TENM3: variants seen among roughly 807,000 people sequenced by gnomAD.
TENM3 encodes the protein teneurin-3.
In TENM3, 63 loss-of-function variants were observed where a neutral mutation model predicts 255.1. The observed-to-expected ratio is 0.25, with a 90% CI of 0.20 to 0.30. TENM3 has a LOEUF of 0.30. Among genes scored for constraint, TENM3 ranks in the 10% least tolerant of loss-of-function variants. The pLI is 1.00. For missense variants in TENM3, 2,929 were observed against 3,461.1 expected, an observed-to-expected ratio of 0.85 and a Z score of 3.86; for synonymous variants, 1,306 against 1,322.3, an observed-to-expected ratio of 0.99 and a Z score of 0.27.
At chr4:182,517,530 C>T (rs1222872363) in intron 3 of TENM3, among the ~76,000 whole-genome samples, 2 of 146,650 alleles carry the variant, frequency 1.4e-5, no homozygotes, top group Non-Finnish European at 3.0e-5. Flanking sequence ...ACTACAGGCG[C>T]CCGCTACCAC....
At chr4:181,773,015 C>T in the TENM3 span, among the ~76,000 whole-genome samples, 3 of 152,092 alleles carry the variant, frequency 2.0e-5, no homozygotes, top group Non-Finnish European at 4.4e-5. Flanking sequence ...ATATAAACAC[C>T]TCCACTTTAC....
chr4:181,944,532 G>A, the TENM3 span, among the ~76,000 whole-genome samples: 1 of 152,110 alleles, frequency 6.6e-6, no homozygotes, highest in Admixed American at 6.5e-5. Context: ...CCAGAGATCT[G>A]GGTATGCCTT....
chr4:181,801,684 A>C, the TENM3 span, among the ~76,000 whole-genome samples: 1 of 101,416 alleles, frequency 9.9e-6, no homozygotes, highest in Non-Finnish European at 2.1e-5. Flanking sequence ...ATATATATAT[A>C]TATATATATA....
At chr4:182,399,994 T>C (rs1769117141) in intron 3 of TENM3, among the ~76,000 whole-genome samples, 1 of 152,230 alleles carries the variant, frequency 6.6e-6, no homozygotes, top group African/African-American at 2.4e-5. Context: ...ATTACCTGTT[T>C]TACTTGTGTG....
the TENM3 span, among the ~76,000 whole-genome samples, chr4:181,539,671 T>TA: frequency 6.6e-6 from 1 of 152,210 alleles, no homozygotes; most frequent in Non-Finnish European, 1.5e-5. Context: ...AAATAATTGA[T>TA]ATGTTGGATT....
chr4:181,745,962 G>C, the TENM3 span, among the ~76,000 whole-genome samples: 3 of 152,160 alleles, frequency 2.0e-5, no homozygotes, highest in Non-Finnish European at 4.4e-5. Flanking sequence ...TTTACCAAAT[G>C]AATATTTAGG....
At chr4:182,250,318 C>T (rs1293339527) in intron 1 of TENM3, among the ~76,000 whole-genome samples, 1 of 148,408 alleles carries the variant, frequency 6.7e-6, no homozygotes, top group African/African-American at 2.6e-5. Flanking sequence ...TCCCAAAGTG[C>T]TGGGATTACA....
the TENM3 span, among the ~76,000 whole-genome samples, chr4:181,652,560 T>C: frequency 5.7e-4 from 87 of 152,208 alleles, no homozygotes; most frequent in Admixed American, 1.2e-3. Context: ...GAAACAGCAT[T>C]AATCCCACGT....
intron 1 of TENM3, among the ~76,000 whole-genome samples, chr4:182,215,960 G>C (rs925613078): frequency 6.6e-6 from 1 of 152,192 alleles, no homozygotes; most frequent in Non-Finnish European, 1.5e-5. Context: ...AAGAGCCAGA[G>C]CTGGAGAAAA....
the TENM3 span, among the ~76,000 whole-genome samples, chr4:181,986,033 A>G: frequency 6.6e-6 from 1 of 152,092 alleles, no homozygotes; most frequent in Non-Finnish European, 1.5e-5. Flanking sequence ...TGAATGGGCT[A>G]CAAATTCACA....
At chr4:182,277,216 G>C (rs979207166) in intron 1 of TENM3, among the ~76,000 whole-genome samples, 3 of 152,170 alleles carry the variant, frequency 2.0e-5, no homozygotes, top group African/African-American at 4.8e-5. Flanking sequence ...GGTGGAATTA[G>C]TTTATGTTGA....
At chr4:182,794,832 C>G (rs978191693) in intron 26 of TENM3, among the ~76,000 whole-genome samples, 4 of 152,184 alleles carry the variant, frequency 2.6e-5, no homozygotes, top group African/African-American at 7.2e-5. Flanking sequence ...TTCACTCAAC[C>G]TCTACTCCAA....
chr4:182,340,392 G>A (rs1007276372), intron 2 of TENM3, among the ~76,000 whole-genome samples: 1 of 152,122 alleles, frequency 6.6e-6, no homozygotes, highest in Non-Finnish European at 1.5e-5. Context: ...AAATTCATGG[G>A]TTTCAATATG....
chr4:181,732,696 GA>G, the TENM3 span, among the ~76,000 whole-genome samples: 1 of 151,854 alleles, frequency 6.6e-6, no homozygotes, highest in Non-Finnish European at 1.5e-5. Context: ...ACCAAGAAAA[GA>G]AGGGCAAAAA....
chr4:182,004,599 A>C, the TENM3 span, among the ~76,000 whole-genome samples: 1 of 152,104 alleles, frequency 6.6e-6, no homozygotes, highest in Non-Finnish European at 1.5e-5. Context: ...CAGTAAGGGG[A>C]TTGCTAGGTC....
At chr4:181,671,122 G>C in the TENM3 span, among the ~76,000 whole-genome samples, 8,581 of 152,196 alleles carry the variant, frequency 0.056, 340 homozygotes, top group Middle Eastern at 0.16. Flanking sequence ...ATTAGAAAGT[G>C]ATGAAGAGCT....
chr4:182,071,538 C>T, the TENM3 span, among the ~76,000 whole-genome samples: 1 of 151,390 alleles, frequency 6.6e-6, no homozygotes, highest in Non-Finnish European at 1.5e-5. Flanking sequence ...CTCCATCTCC[C>T]GGGTTCAAGC....
chr4:182,337,264 CA>C (rs1421057463), intron 2 of TENM3, among the ~76,000 whole-genome samples: 1 of 152,084 alleles, frequency 6.6e-6, no homozygotes, highest in Non-Finnish European at 1.5e-5. Flanking sequence ...AAATGAAAAG[CA>C]AATCCACAAT....
chr4:181,578,308 C>T, the TENM3 span, among the ~76,000 whole-genome samples: 1 of 152,206 alleles, frequency 6.6e-6, no homozygotes, highest in Non-Finnish European at 1.5e-5. Flanking sequence ...TCTCCCTGGA[C>T]TCCCAAGCCC....
Sources: gnomAD v4.1 joint callset for allele counts (sites outside exome capture counted in the v4.1 genomes callset) on GRCh38, gnomAD v4.1.1 for gene constraint, MANE v1.5 for transcripts, NCBI Gene and HGNC (gene_info 2026-07-23, HGNC 2026-07-21) for gene names.